GLG1: variants seen among roughly 807,000 people sequenced by gnomAD.
GLG1 encodes golgi glycoprotein 1.
In GLG1, 38 loss-of-function variants were observed where a neutral mutation model predicts 160.5. That is an observed-to-expected ratio of 0.24 (90% CI 0.18 to 0.31). GLG1 has a LOEUF of 0.31. Among genes scored for constraint, GLG1 ranks in the 10% least tolerant of loss-of-function variants. GLG1 has a pLI of 1.00. For synonymous variants in GLG1, 644 were observed against 543.4 expected, an observed-to-expected ratio of 1.19 and a Z score of -2.57; for missense variants, 1,373 against 1,505.2, an observed-to-expected ratio of 0.91 and a Z score of 1.45.
chr16:74,580,276 G>C (rs770147707), intron 1 of GLG1, among the ~76,000 whole-genome samples: 3 of 151,960 alleles, frequency 2.0e-5, no homozygotes, highest in Non-Finnish European at 4.4e-5. Flanking sequence ...TTGAGCCCAG[G>C]AGTTTGAGAC....
At chr16:74,582,375 AGGCTGGTCTT>A (rs913835494) in intron 1 of GLG1, among the ~76,000 whole-genome samples, 7 of 152,030 alleles carry the variant, frequency 4.6e-5, no homozygotes, top group African/African-American at 1.7e-4. Flanking sequence ...CACGTTGGTC[AGGCTGGTCTT>A]GAACTCCTGA....
chr16:74,494,926 T>C (rs1166460468), intron 5 of GLG1, 95 bp from the exon 6 acceptor site: 5 of 671,278 alleles, frequency 7.4e-6, no homozygotes, highest in Non-Finnish European at 1.1e-5. Flanking sequence ...ATTAAACGAT[T>C]ATAATCGTAC....
At chr16:74,570,094 A>T (rs1029326378) in intron 1 of GLG1, among the ~76,000 whole-genome samples, 3 of 152,060 alleles carry the variant, frequency 2.0e-5, no homozygotes, top group Non-Finnish European at 1.5e-5. Flanking sequence ...TTGAAAAGAC[A>T]AATGGTTTTT....
rs115151256 is a variant in GLG1, at chr16:74,596,787, C to G, written c.438+9870G>C. Among the ~76,000 whole-genome samples, 448 of 152,198 alleles carry G rather than the reference C, an allele frequency of 2.9e-3. 2 individuals carry two copies. The highest frequency in any genetic ancestry group is 0.017 in the Middle Eastern group (5 of 294). Reference sequence around the variant, plus strand: ...ATTCCACTACTTACAAGCCCTGAGGCAAGCTATTTAGAATCAGTTTTCTCA... The same window carrying G: ...ATTCCACTACTTACAAGCCCTGAGGGAAGCTATTTAGAATCAGTTTTCTCA... On this transcript the variant is annotated intron_variant, in intron 1 of 25. Transcript: ENST00000422840.
In GLG1 at chr16:74,503,577, T is replaced by G; in HGVS notation, c.728A>C (p.Asn243Thr). ...GCCACATTTCAGAATGTTGATGTCA[T>G]TTTTGCAGTCATCCATGAAGCCACA... The part of the protein sequence containing the change: ...LICGFMDDCK[N>T]DINILKCGSI... Residue 243 changes from asparagine to threonine, a missense_variant, in exon 4 of 26, where the codon AAT becomes ACT. Physicochemically the swap from Asn to Thr is moderately conservative, Grantham distance 65. This residue lies in a region of GLG1 where 174 missense variants were observed against 229.9 expected (regional missense o/e 0.76). Coordinates refer to ENST00000422840, the MANE Select transcript of GLG1 (RefSeq NM_001145667.2). 6.2e-7 allele frequency: 1 copy of G among 1,613,822 alleles called. No homozygotes were observed. The highest frequency in any genetic ancestry group is 8.5e-7 in the Non-Finnish European group (1 of 1,179,724).
Position 74,449,901 on chromosome 16 carries a change from C to T in GLG1, c.*3266G>A. 1 of 152,412 alleles carries T rather than the reference C, an allele frequency of 6.6e-6. No homozygotes were observed. Among genetic ancestry groups the T allele is most frequent in the Non-Finnish European group, 1.5e-5 (1 of 68,094 alleles). The allele number at this position is 152,412 out of a possible 1,614,324, so 9.4% of individuals were successfully genotyped here. On this transcript the variant is annotated 3_prime_UTR_variant, in exon 26 of 26. Transcript: ENST00000422840. ...AACAGCAATGGAAGTCCAACATGCA[C>T]CCAGGTGAAGGCCTCACAGAGCTCC...
At chr16:74,474,307 C>G (rs373213528) in intron 13 of GLG1, 1 of 433,254 alleles carries the variant, frequency 2.3e-6, no homozygotes, top group Non-Finnish European at 4.2e-6. Flanking sequence ...TATGATAAAC[C>G]TAATTTATGA....
intron 2 of GLG1, among the ~76,000 whole-genome samples, chr16:74,529,957 G>A (rs1597314524): frequency 6.6e-6 from 1 of 151,616 alleles, no homozygotes; most frequent in African/African-American, 2.4e-5. Context: ...GATTACAGGG[G>A]TGTGCCACGA....
At chr16:74,551,818 C>G (rs1174739825) in intron 1 of GLG1, among the ~76,000 whole-genome samples, 1 of 151,938 alleles carries the variant, frequency 6.6e-6, no homozygotes, top group Non-Finnish European at 1.5e-5. Flanking sequence ...GGGAAGGTAT[C>G]TTTTTAAGAT....
At position 74,463,432 on chromosome 16, in the gene GLG1, C is replaced by G; in HGVS notation, c.2715G>C (p.Lys905Asn). The change falls in exon 20 of 26, where the codon AAG (lysine) becomes AAC (asparagine). Residue 905 changes from lysine (K) to asparagine (N), a missense_variant. Physicochemically the swap from Lys to Asn is moderately conservative, Grantham distance 94. Transcript: ENST00000422840. ...ADSKTMLQCL[K>N]QNKNSELMDP... ...CCATCAATTCACTGTTTTTATTTTG[C>G]TTCAAGCACTGCAACATGGTTTTAG... 2 of 1,613,790 alleles carry G rather than the reference C, an allele frequency of 1.2e-6. No individual in the cohort carries two copies. The highest frequency in any genetic ancestry group is 1.7e-6 in the Non-Finnish European group (2 of 1,179,674).
intron 13 of GLG1, 188 bp downstream of exon 13, chr16:74,474,358 T>C: frequency 1.7e-6 from 1 of 575,920 alleles, no homozygotes. Context: ...TCTAGAGAAA[T>C]GAGGGAAGGA....
intron 9 of GLG1, among the ~76,000 whole-genome samples, chr16:74,485,412 T>C (rs2015754483): frequency 6.6e-6 from 1 of 152,236 alleles, no homozygotes; most frequent in South Asian, 2.1e-4. Flanking sequence ...GTAGTCAATG[T>C]ATACAATGAG....
chr16:74,502,619 C>T lies in GLG1; in HGVS notation c.774+912G>A, dbSNP rs370043789. On this transcript the variant is annotated intron_variant, in intron 4 of 25. Coordinates refer to ENST00000422840, the MANE Select transcript of GLG1 (RefSeq NM_001145667.2). ...AGTGCAGTGGCGCGATCTCGGCTCA[C>T]TGCAAGCTCCACTTCCTGGGTTCAT... Among the ~76,000 whole-genome samples the T allele has an allele frequency of 4.0e-5, 6 of 151,656 alleles. No individual in the cohort carries two copies. In the East Asian group the frequency reaches 7.8e-4, roughly 20 times the overall value.
intron 6 of GLG1, 24 bp from the exon 7 acceptor site, chr16:74,493,164 C>A: frequency 6.5e-7 from 1 of 1,549,760 alleles, no homozygotes; most frequent in Non-Finnish European, 8.8e-7. Context: ...ACAGCAACAG[C>A]CGTGAGACCA....
chr16:74,567,437 A>T (rs940727799), intron 1 of GLG1, among the ~76,000 whole-genome samples: 1 of 152,126 alleles, frequency 6.6e-6, no homozygotes, highest in African/African-American at 2.4e-5. Context: ...AATACAAAAC[A>T]TTGGGGTTTC....
At chr16:74,585,035 C>T (rs1958016276) in intron 1 of GLG1, among the ~76,000 whole-genome samples, 1 of 152,096 alleles carries the variant, frequency 6.6e-6, no homozygotes, top group African/African-American at 2.4e-5. Flanking sequence ...AACCAAACAC[C>T]ACATGTTCCC....
At chr16:74,453,935 G>C (rs1372433780) in intron 25 of GLG1, among the ~76,000 whole-genome samples, 1 of 148,698 alleles carries the variant, frequency 6.7e-6, no homozygotes, top group Non-Finnish European at 1.5e-5. Flanking sequence ...GCAGTGGCAT[G>C]ATGTCAGCTC....
intron 1 of GLG1, among the ~76,000 whole-genome samples, chr16:74,549,014 C>T (rs1201922083): frequency 3.3e-5 from 5 of 152,078 alleles, no homozygotes; most frequent in Admixed American, 6.6e-5. Context: ...AATAGTAATA[C>T]CAAACAACAC....
intron 3 of GLG1, among the ~76,000 whole-genome samples, chr16:74,506,145 T>G (rs573460312): frequency 1.5e-5 from 2 of 134,416 alleles, no homozygotes; most frequent in Admixed American, 8.5e-5. Context: ...AAAGGAGGAA[T>G]AGATGCTTGA....
Sources: gnomAD v4.1 joint callset for allele counts (sites outside exome capture counted in the v4.1 genomes callset) on GRCh38, gnomAD v4.1.1 for gene constraint, gnomAD v4.1.1 regional missense constraint, MANE v1.5 for transcripts, NCBI Gene and HGNC (gene_info 2026-07-23, HGNC 2026-07-21) for gene names.